ME3: variants seen among roughly 807,000 people sequenced by gnomAD.
ME3 encodes malic enzyme 3.
Under a neutral mutation model 68.9 loss-of-function variants are expected in ME3, and 48 were observed. That is an observed-to-expected ratio of 0.70 (90% CI 0.55 to 0.89). ME3 has a LOEUF of 0.89. ME3 is among the 40% of genes least tolerant of loss of function. The pLI is 0.00. For missense variants in ME3, 675 were observed against 797.4 expected (o/e 0.85, Z 1.85); for synonymous variants, 320 against 318.8 (o/e 1.00, Z -0.04).
intron 2 of ME3, among the ~76,000 whole-genome samples, chr11:86,658,225 G>A (rs764972390): frequency 3.3e-5 from 5 of 151,786 alleles, no homozygotes; most frequent in African/African-American, 7.3e-5. Flanking sequence ...CCGAGTTCAA[G>A]CATTTGTCCT....
At chr11:86,614,709 C>T (rs1371488727) in intron 2 of ME3, among the ~76,000 whole-genome samples, 1 of 152,124 alleles carries the variant, frequency 6.6e-6, no homozygotes, top group Admixed American at 6.6e-5. Context: ...AGTCCTCAAA[C>T]CTCAAATATT....
At chr11:86,657,227 A>G (rs1234014407) in intron 2 of ME3, among the ~76,000 whole-genome samples, 1 of 152,212 alleles carries the variant, frequency 6.6e-6, no homozygotes, top group Non-Finnish European at 1.5e-5. Flanking sequence ...CCAAATGCCC[A>G]TCAATGATAG....
chr11:86,601,901 C>CAA (rs1452746483), intron 2 of ME3, among the ~76,000 whole-genome samples: 2 of 145,158 alleles, frequency 1.4e-5, no homozygotes, highest in Non-Finnish European at 3.0e-5. Context: ...CAAAATTCAA[C>CAA]AACGCTTCAT....
intron 2 of ME3, among the ~76,000 whole-genome samples, chr11:86,653,690 A>G (rs1594794833): frequency 6.6e-6 from 1 of 152,228 alleles, no homozygotes; most frequent in East Asian, 1.9e-4. Context: ...AAAGAACTAG[A>G]GAAGCAAGAG....
chr11:86,634,964 G>A (rs910348435), intron 2 of ME3, among the ~76,000 whole-genome samples: 8 of 152,210 alleles, frequency 5.3e-5, no homozygotes, highest in Admixed American at 3.3e-4. Context: ...CTTGAGGGGT[G>A]AAATTGTATC....
chr11:86,602,729 A>G (rs553006176), intron 2 of ME3, among the ~76,000 whole-genome samples: 2 of 152,312 alleles, frequency 1.3e-5, no homozygotes, highest in African/African-American at 4.8e-5. Context: ...AGTAACCAAA[A>G]CAGCATGGGA....
intron 2 of ME3, 62 bp downstream of exon 2, chr11:86,671,700 G>A (rs1195335055): frequency 1.3e-6 from 2 of 1,579,458 alleles, no homozygotes; most frequent in Admixed American, 3.6e-5. Context: ...CAGGGGGCGG[G>A]GCGCAATTTT....
intron 2 of ME3, among the ~76,000 whole-genome samples, chr11:86,618,845 G>T (rs1243067288): frequency 6.6e-6 from 1 of 151,918 alleles, no homozygotes; most frequent in East Asian, 1.9e-4. Context: ...CCGAGTAGCT[G>T]GGATTACAGG....
intron 4 of ME3, among the ~76,000 whole-genome samples, chr11:86,535,545 G>A (rs1162202303): frequency 6.6e-6 from 1 of 151,700 alleles, no homozygotes; most frequent in East Asian, 1.9e-4. Flanking sequence ...GCAAATAAGG[G>A]ATAAAGTCTA....
intron 2 of ME3, among the ~76,000 whole-genome samples, chr11:86,613,041 G>C (rs967611903): frequency 2.0e-4 from 31 of 152,092 alleles, no homozygotes; most frequent in African/African-American, 6.7e-4. Context: ...TTATGGTTTT[G>C]GGTTTTACAT....
rs1463574673 is a variant in ME3, at chr11:86,618,741, G to A, written c.183+53021C>T. Among the ~76,000 whole-genome samples the A allele has an allele frequency of 1.1e-4, 17 of 147,952 alleles. No homozygotes were observed. In the East Asian group the frequency reaches 1.4e-3, roughly 12 times the overall value. On this transcript the variant is annotated intron_variant, in intron 2 of 14. Coordinates refer to ENST00000543262, the Ensembl canonical transcript of ME3. ...GGTCTTTTTTTTTTTTTTTTGAGAC[G>A]GAGTCTCACTCTGTCACCCAGGCTG...
At chr11:86,608,845 G>C (rs1336232153) in intron 2 of ME3, among the ~76,000 whole-genome samples, 1 of 152,140 alleles carries the variant, frequency 6.6e-6, no homozygotes, top group East Asian at 1.9e-4. Context: ...GTAAGTCTTG[G>C]TGCAATGAAG....
chr11:86,658,625 A>T (rs909261701), intron 2 of ME3, among the ~76,000 whole-genome samples: 2 of 152,126 alleles, frequency 1.3e-5, no homozygotes, highest in African/African-American at 4.8e-5. Context: ...AGAGTGGCTA[A>T]GGATGCTTGG....
intron 2 of ME3, among the ~76,000 whole-genome samples, chr11:86,574,409 G>T (rs1376976567): frequency 1.4e-5 from 2 of 146,104 alleles, no homozygotes; most frequent in African/African-American, 2.5e-5. Flanking sequence ...GGGGGGGGGG[G>T]GGTGTCTTTT....
intron 2 of ME3, among the ~76,000 whole-genome samples, chr11:86,585,817 G>C (rs750901091): frequency 6.7e-6 from 1 of 150,314 alleles, no homozygotes; most frequent in Non-Finnish European, 1.5e-5. Flanking sequence ...GCTTTTTAAG[G>C]CTGGATAAAG....
At chr11:86,529,442 G>A (rs535315206) in intron 4 of ME3, among the ~76,000 whole-genome samples, 3 of 152,268 alleles carry the variant, frequency 2.0e-5, no homozygotes, top group Non-Finnish European at 4.4e-5. Context: ...GGAGGAGCTG[G>A]TACCATTCCT....
chr11:86,475,286 C>G (rs1439810029), intron 7 of ME3, among the ~76,000 whole-genome samples: 1 of 152,098 alleles, frequency 6.6e-6, no homozygotes, highest in African/African-American at 2.4e-5. Context: ...GTAGTACCTC[C>G]CCTTTTGCTC....
intron 6 of ME3, among the ~76,000 whole-genome samples, chr11:86,491,947 A>G (rs557517462): frequency 6.6e-6 from 1 of 152,318 alleles, no homozygotes; most frequent in Non-Finnish European, 1.5e-5. Flanking sequence ...AACCCTATCT[A>G]CAGAGGCAGA....
rs563608447 is a variant in ME3, at chr11:86,481,430, G to T, written c.809+5907C>A. ...CAGCTTCAAAAATACAGATGTCCAG[G>T]TCTCAACCCAGGCCTTCTGTGGCAT... is the stretch of plus-strand genomic sequence containing the variant. On this transcript the variant is annotated intron_variant, in intron 7 of 14. Transcript: ENST00000543262. Among the ~76,000 whole-genome samples, 5 of 152,216 alleles carry T rather than the reference G, an allele frequency of 3.3e-5. No homozygotes were observed. In the South Asian group the frequency reaches 1.0e-3, roughly 32 times the overall value.
Sources: gnomAD v4.1 joint callset for allele counts (sites outside exome capture counted in the v4.1 genomes callset) on GRCh38, gnomAD v4.1.1 for gene constraint, MANE v1.5 for transcripts, NCBI Gene and HGNC (gene_info 2026-07-23, HGNC 2026-07-21) for gene names.